CD84: variants seen among roughly 807,000 people sequenced by gnomAD.
CD84 encodes the protein SLAM family member 5.
CD84 carries 22 observed loss-of-function variants against 33.8 expected under a neutral mutation model. The ratio of observed to expected loss-of-function variants is 0.65; its 90% CI spans 0.46 to 0.93. CD84 has a LOEUF of 0.93. Ranked by LOEUF, CD84 falls within the 40% of genes least tolerant of loss-of-function variation. The pLI is 0.00. For missense variants in CD84, 400 were observed against 397.6 expected (o/e 1.01, Z -0.05); for synonymous variants, 154 against 145.2 (o/e 1.06, Z -0.44).
chr1:160,552,701 T>G, intron 4 of CD84: 1 of 1,545,590 alleles, frequency 6.5e-7, no homozygotes, highest in South Asian at 1.2e-5. Context: ...GGCTGAGAAC[T>G]TACAAGGGTT....
At chr1:160,565,152 G>A (rs1219100242) in intron 2 of CD84, among the ~76,000 whole-genome samples, 1 of 151,914 alleles carries the variant, frequency 6.6e-6, no homozygotes, top group Non-Finnish European at 1.5e-5. Flanking sequence ...TATGATCATT[G>A]ACATTATGTA....
At chr1:160,550,473 G>A (rs1481474615) in intron 5 of CD84, 1 of 246,010 alleles carries the variant, frequency 4.1e-6, no homozygotes, top group African/African-American at 2.3e-5. Context: ...GTGGAACAGT[G>A]ACTCTGAGTC....
At chr1:160,554,617 G>A (rs1656483221) in intron 2 of CD84, among the ~76,000 whole-genome samples, 1 of 152,208 alleles carries the variant, frequency 6.6e-6, no homozygotes, top group Admixed American at 6.5e-5. Flanking sequence ...AAAATAGGAA[G>A]TATTCTTCTG....
At chr1:160,560,560 C>A (rs1656885697) in intron 2 of CD84, among the ~76,000 whole-genome samples, 1 of 152,106 alleles carries the variant, frequency 6.6e-6, no homozygotes, top group Admixed American at 6.5e-5. Context: ...CTCAAGTTAA[C>A]AACCTAACAT....
At chr1:160,561,726 T>A (rs748137280) in intron 2 of CD84, among the ~76,000 whole-genome samples, 1 of 152,076 alleles carries the variant, frequency 6.6e-6, no homozygotes, top group Non-Finnish European at 1.5e-5. Flanking sequence ...TCAAACTGTC[T>A]CCGTTTGCAG....
chr1:160,568,246 G>T lies in CD84; in HGVS notation c.47-2501C>A, dbSNP rs1657450692. ...TTCTTAATATTAGGGCCGTTGAGCA[G>T]CCACAGTGGTTGGTGTGTGGTGCAG... is the stretch of plus-strand genomic sequence containing the variant. On this transcript the variant is annotated intron_variant, in intron 1 of 6. Transcript: ENST00000368054. Among the ~76,000 whole-genome samples the T allele has an allele frequency of 2.0e-5, 3 of 152,142 alleles. No individual in the cohort carries two copies. In the South Asian group the frequency reaches 6.2e-4, roughly 32 times the overall value.
chr1:160,553,811 A>C, intron 3 of CD84, 84 bp downstream of exon 3: 4 of 1,593,448 alleles, frequency 2.5e-6, no homozygotes, highest in Non-Finnish European at 3.4e-6. Context: ...ACATCTCCCT[A>C]GAGAATGTGG....
intron 5 of CD84, among the ~76,000 whole-genome samples, chr1:160,550,213 G>C (rs1046269402): frequency 1.3e-5 from 2 of 151,818 alleles, no homozygotes; most frequent in African/African-American, 2.4e-5. Flanking sequence ...AAAACCTCAG[G>C]GGCCAAGAGG....
chr1:160,575,506 C>CAG lies in CD84; in HGVS notation c.46+3885_46+3886insCT, dbSNP rs1657947250. 5.3e-5 allele frequency among the ~76,000 whole-genome samples: 8 copies of CAG among 151,774 alleles called. No individual in the cohort carries two copies. The South Asian group carries it at 1.7e-3, about 32-fold the overall frequency. On this transcript the variant is annotated intron_variant, in intron 1 of 6. Transcript: ENST00000368054. ...TCAGTTCCTTCAAAACACACACACACACACACACACACACACACAAAATCT... is the reference window on the plus strand; with the variant it reads ...TCAGTTCCTTCAAAACACACACACACAGACACACACACACACACACAAAATCT...
chr1:160,565,804 A>G (rs1010589371), intron 1 of CD84, 59 bp from the exon 2 acceptor site: 2 of 1,422,270 alleles, frequency 1.4e-6, no homozygotes, highest in East Asian at 5.0e-5. Flanking sequence ...TCACTTCCTA[A>G]TCTTTTTGGC....
intron 1 of CD84, among the ~76,000 whole-genome samples, chr1:160,568,505 G>A (rs765642200): frequency 2.6e-5 from 4 of 152,188 alleles, no homozygotes; most frequent in African/African-American, 9.7e-5. Flanking sequence ...TCTGAGAGAA[G>A]CAGCTGCAAA....
At chr1:160,567,606 A>T (rs1657412291) in intron 1 of CD84, among the ~76,000 whole-genome samples, 1 of 152,280 alleles carries the variant, frequency 6.6e-6, no homozygotes, top group East Asian at 1.9e-4. Flanking sequence ...AGCCCTGAGG[A>T]GCTCACAGCC....
In CD84 at chr1:160,543,366, A is replaced by G. The variant is rs1455359763; in HGVS notation, c.*4890T>C. 6.6e-6 allele frequency: 1 copy of G among 152,176 alleles called. No homozygotes were observed. Among genetic ancestry groups the G allele is most frequent in the African/African-American group, 2.4e-5 (1 of 41,436 alleles). The allele number at this position is 152,176 out of a possible 1,614,324, so 9.4% of individuals were successfully genotyped here. On this transcript the variant is annotated 3_prime_UTR_variant, in exon 7 of 7. Coordinates refer to ENST00000368054, the MANE Select transcript of CD84 (RefSeq NM_003874.4). ...GGGCCACATGGCAGAGTACAAGTGC[A>G]TGGCCCTTGGTGACAAGAAGTCTTG...
intron 2 of CD84, among the ~76,000 whole-genome samples, chr1:160,555,815 C>G (rs1289558075): frequency 1.3e-5 from 2 of 152,084 alleles, no homozygotes; most frequent in East Asian, 1.9e-4. Flanking sequence ...ATATAAGAAC[C>G]ATTATCTTGC....
intron 2 of CD84, among the ~76,000 whole-genome samples, chr1:160,558,728 G>A (rs559208029): frequency 6.6e-6 from 1 of 152,218 alleles, no homozygotes; most frequent in East Asian, 1.9e-4. Context: ...ATGCAAAGAA[G>A]CTAAGAATTA....
chr1:160,547,566 C>G lies in CD84; in HGVS notation c.*690G>C. On this transcript the variant is annotated 3_prime_UTR_variant, in exon 7 of 7. Coordinates refer to ENST00000368054, the MANE Select transcript of CD84 (RefSeq NM_003874.4). Reference sequence around the variant, plus strand: ...TGAGAGCCACAACTCTGACAGAGACCCACACAGCACTGTCATCTGTGTTTG... The same window carrying G: ...TGAGAGCCACAACTCTGACAGAGACGCACACAGCACTGTCATCTGTGTTTG... 5.5e-6 allele frequency: 1 copy of G among 180,766 alleles called. No individual in the cohort carries two copies. The highest frequency in any genetic ancestry group is 1.4e-4 in the East Asian group (1 of 7,216). The allele number at this position is 180,766 out of a possible 1,614,324, so 11.2% of individuals were successfully genotyped here.
chr1:160,549,821 C>A (rs1299867840), intron 6 of CD84, 96 bp downstream of exon 6: 7 of 929,356 alleles, frequency 7.5e-6, no homozygotes, highest in African/African-American at 6.5e-5. Flanking sequence ...CAAGGAGTCC[C>A]AGGGGAACCA....
intron 4 of CD84, chr1:160,551,289 C>A (rs1448560933): frequency 1.2e-5 from 5 of 425,858 alleles, no homozygotes; most frequent in Non-Finnish European, 1.7e-5. Flanking sequence ...CCCAACCCCT[C>A]CCTGTGTGGC....
chr1:160,546,445 T>C lies in CD84; in HGVS notation c.*1811A>G, dbSNP rs1389642011. 6.6e-6 allele frequency: 1 copy of C among 152,228 alleles called. No homozygotes were observed. The highest frequency in any genetic ancestry group is 1.9e-4 in the East Asian group (1 of 5,196). 9.4% of individuals were successfully genotyped at this position (152,228 alleles called of 1,614,324 possible). A position where few individuals can be genotyped will look rare whatever the true frequency, so the allele number is the denominator to read the frequency against. Reference sequence around the variant, plus strand: ...ATCCCTGATTAATTTTGATTCCTGATACCAGGGAAAGCTTTACAGAAGAGG... The same window carrying C: ...ATCCCTGATTAATTTTGATTCCTGACACCAGGGAAAGCTTTACAGAAGAGG... On this transcript the variant is annotated 3_prime_UTR_variant, in exon 7 of 7. Coordinates refer to ENST00000368054, the MANE Select transcript of CD84 (RefSeq NM_003874.4).
Sources: allele counts gnomAD v4.1 joint callset (sites outside exome capture counted in the v4.1 genomes callset), GRCh38; gene constraint gnomAD v4.1.1; transcripts MANE v1.5; gene names NCBI Gene and HGNC (gene_info 2026-07-23, HGNC 2026-07-21).